The following GAS7 variants were observed in gnomAD, a reference collection of about 807,000 sequenced individuals.
GAS7 encodes the protein growth arrest-specific protein 7.
A neutral mutation model predicts 71.1 loss-of-function variants in GAS7; 28 were observed. That is an observed-to-expected ratio of 0.39 (90% CI 0.29 to 0.54). GAS7 has a LOEUF of 0.54. Among genes scored for constraint, GAS7 ranks in the 20% least tolerant of loss-of-function variants. The pLI, the probability that GAS7 is intolerant of heterozygous loss-of-function variation, is 0.62. For missense variants in GAS7, 436 were observed against 627.8 expected (o/e 0.69, Z 3.27); for synonymous variants, 258 against 245.8 (o/e 1.05, Z -0.46).
At chr17:10,011,589 C>T (rs1444277736) in intron 2 of GAS7, among the ~76,000 whole-genome samples, 2 of 152,206 alleles carry the variant, frequency 1.3e-5, no homozygotes, top group Non-Finnish European at 2.9e-5. Context: ...TGCATACCTA[C>T]CCTCACCACT....
rs2240739 is a variant in GAS7, at chr17:9,916,824, C to A, written c.*404G>T. 0.45 allele frequency: 183,797 copies of A among 406,822 alleles called. 42,140 individuals carry two copies. Among genetic ancestry groups the A allele is most frequent in the Non-Finnish European group, 0.48 (111,732 of 230,682 alleles). The allele number at this position is 406,822 out of a possible 1,614,324, so 25.2% of individuals were successfully genotyped here. ...CCTGACACCTGGCTTAGAGACAGAGCCCTCCCTACCCTGATCCTCCAAAGC... is the reference window on the plus strand; with the variant it reads ...CCTGACACCTGGCTTAGAGACAGAGACCTCCCTACCCTGATCCTCCAAAGC... On this transcript the variant is annotated 3_prime_UTR_variant, in exon 14 of 14. Transcript: ENST00000432992.
intron 5 of GAS7, among the ~76,000 whole-genome samples, chr17:9,956,158 C>T (rs1488057289): frequency 6.6e-6 from 1 of 152,238 alleles, no homozygotes; most frequent in African/African-American, 2.4e-5. Flanking sequence ...ACAGAGGCCA[C>T]AGGCTTCTTG....
chr17:10,062,920 G>C (rs1381936089), intron 1 of GAS7, among the ~76,000 whole-genome samples: 1 of 152,256 alleles, frequency 6.6e-6, no homozygotes, highest in Admixed American at 6.5e-5. Flanking sequence ...CACCACGTGA[G>C]TGAGGCCTGC....
intron 1 of GAS7, among the ~76,000 whole-genome samples, chr17:10,134,053 G>A (rs200338253): frequency 1.5e-3 from 3 of 1,964 alleles, no homozygotes; most frequent in African/African-American, 3.5e-3. Flanking sequence ...TTTTTGAGAT[G>A]GGAGTCTCGC....
chr17:10,175,349 C>T (rs1210884622), intron 1 of GAS7, among the ~76,000 whole-genome samples: 1 of 151,850 alleles, frequency 6.6e-6, no homozygotes, highest in Non-Finnish European at 1.5e-5. Flanking sequence ...TTTGCTGGGG[C>T]TGCCACAAAA....
chr17:10,135,956 G>A (rs2074034550), intron 1 of GAS7, among the ~76,000 whole-genome samples: 1 of 152,176 alleles, frequency 6.6e-6, no homozygotes, highest in African/African-American at 2.4e-5. Context: ...GATGTGGGGA[G>A]ACAGTTTAAA....
intron 1 of GAS7, among the ~76,000 whole-genome samples, chr17:10,058,742 T>C (rs970321333): frequency 6.6e-6 from 1 of 152,138 alleles, no homozygotes; most frequent in African/African-American, 2.4e-5. Flanking sequence ...CCTCAATAGG[T>C]TCACACTGGC....
At chr17:9,920,195 G>GTGTGTA (rs1423721406) in intron 11 of GAS7, among the ~76,000 whole-genome samples, 2 of 152,094 alleles carry the variant, frequency 1.3e-5, no homozygotes, top group African/African-American at 4.8e-5. Flanking sequence ...GTGTGTGTGT[G>GTGTGTA]TGTGTGTGCA....
chr17:10,147,449 G>A (rs1037193528), intron 1 of GAS7, among the ~76,000 whole-genome samples: 1 of 152,066 alleles, frequency 6.6e-6, no homozygotes, highest in Non-Finnish European at 1.5e-5. Flanking sequence ...TCTAAAATAC[G>A]CAGACAAAAG....
intron 1 of GAS7, among the ~76,000 whole-genome samples, chr17:10,189,624 T>C (rs2074482598): frequency 6.6e-6 from 1 of 151,826 alleles, no homozygotes; most frequent in Non-Finnish European, 1.5e-5. Flanking sequence ...CCCCTCAGCC[T>C]CAAATTATTT....
At chr17:10,104,639 C>T (rs1490331240) in intron 1 of GAS7, among the ~76,000 whole-genome samples, 2 of 152,106 alleles carry the variant, frequency 1.3e-5, no homozygotes, top group Middle Eastern at 3.2e-3. Context: ...ACTAGACCTG[C>T]TCTCCATAAC....
chr17:10,124,685 G>A (rs1387858721), intron 1 of GAS7, among the ~76,000 whole-genome samples: 1 of 152,178 alleles, frequency 6.6e-6, no homozygotes, highest in Non-Finnish European at 1.5e-5. Context: ...GGGGGGAGCT[G>A]AGGCATGTGG....
chr17:10,116,465 G>C (rs1292378410), intron 1 of GAS7, among the ~76,000 whole-genome samples: 1 of 152,100 alleles, frequency 6.6e-6, no homozygotes, highest in Non-Finnish European at 1.5e-5. Flanking sequence ...CTGAAGAAGA[G>C]TGCCCTGGGC....
intron 1 of GAS7, among the ~76,000 whole-genome samples, chr17:10,136,951 G>A (rs528587187): frequency 2.6e-4 from 39 of 152,018 alleles, no homozygotes; most frequent in East Asian, 7.8e-4. Flanking sequence ...GCGAAACCCC[G>A]TCTCTACAAA....
chr17:9,932,627 G>GT (rs1232466955), intron 9 of GAS7, among the ~76,000 whole-genome samples: 1 of 152,176 alleles, frequency 6.6e-6, no homozygotes, highest in African/African-American at 2.4e-5. Flanking sequence ...AAACCTGGAG[G>GT]TATGTGCCAG....
intron 8 of GAS7, among the ~76,000 whole-genome samples, chr17:9,936,753 A>C (rs1363823287): frequency 6.6e-6 from 1 of 152,228 alleles, no homozygotes; most frequent in East Asian, 1.9e-4. Flanking sequence ...TCCAACATAC[A>C]GTTTCAGGTA....
intron 1 of GAS7, among the ~76,000 whole-genome samples, chr17:10,075,844 A>G (rs1176691665): frequency 2.0e-5 from 3 of 151,560 alleles, no homozygotes; most frequent in Admixed American, 6.6e-5. Flanking sequence ...CCTTCCTGTA[A>G]TCCCAGCATT....
intron 1 of GAS7, among the ~76,000 whole-genome samples, chr17:10,138,676 A>C (rs1201188113): frequency 6.6e-6 from 1 of 152,148 alleles, no homozygotes; most frequent in Non-Finnish European, 1.5e-5. Flanking sequence ...CTGAGGCAGG[A>C]GAATCGCTTG....
chr17:10,052,481 G>A (rs1447340488), intron 1 of GAS7, among the ~76,000 whole-genome samples: 18 of 152,214 alleles, frequency 1.2e-4, no homozygotes, highest in Admixed American at 9.2e-4. Flanking sequence ...GCAAAGAGCC[G>A]TGACCAGCAC....
Sources: gnomAD v4.1 joint callset for allele counts (sites outside exome capture counted in the v4.1 genomes callset) on GRCh38, gnomAD v4.1.1 for gene constraint, MANE v1.5 for transcripts, NCBI Gene and HGNC (gene_info 2026-07-23, HGNC 2026-07-21) for gene names.